The following CCNG1 variants were observed in gnomAD, a reference collection of about 807,000 sequenced individuals.
The protein encoded by CCNG1 is cyclin G1, also known as cyclin-G1.
Under a neutral mutation model 30.0 loss-of-function variants are expected in CCNG1, and 13 were observed. The observed-to-expected ratio is 0.43, with a 90% CI of 0.28 to 0.69. The LOEUF is 0.69. Among genes scored for constraint, CCNG1 ranks in the 30% least tolerant of loss-of-function variants. The pLI is 0.16. For synonymous variants in CCNG1, 110 were observed against 121.5 expected, an observed-to-expected ratio of 0.91 and a Z score of 0.62; for missense variants, 285 against 331.4, an observed-to-expected ratio of 0.86 and a Z score of 1.09.
At position 163,439,309 on chromosome 5, in the gene CCNG1, A is replaced by G. The variant is rs1405489844; in HGVS notation, c.53A>G (p.Asn18Ser). The G allele has an allele frequency of 3.1e-6, 5 of 1,613,890 alleles. No individual in the cohort carries two copies. The highest frequency in any genetic ancestry group is 4.2e-6 in the Non-Finnish European group (5 of 1,179,840). The change falls in exon 2 of 7, where the codon AAT becomes AGT. Residue 18 changes from asparagine (N) to serine (S), a missense_variant. Coordinates refer to ENST00000340828, the MANE Select transcript of CCNG1 (RefSeq NM_004060.4). ...TCTCAGAAACTGCTACACCAGCTGA[A>G]TGCCCTGTTGGAACAGGAGTCTAGA... ...TDSQKLLHQLNALLEQESRCQ... is the reference protein window; with the variant it reads ...TDSQKLLHQLSALLEQESRCQ...
At chr5:163,455,719 G>A in the CCNG1 span, among the ~76,000 whole-genome samples, 11 of 143,452 alleles carry the variant, frequency 7.7e-5, no homozygotes, top group African/African-American at 5.2e-5. Flanking sequence ...AGCAGAGATC[G>A]CACCACTCCA....
Position 163,439,245 on chromosome 5 carries a change from T to C in CCNG1, c.1-12T>C. 6.2e-7 allele frequency: 1 copy of C among 1,607,204 alleles called. No homozygotes were observed. On this transcript the variant is annotated splice_polypyrimidine_tract_variant and intron_variant, in intron 1 of 6. Transcript: ENST00000340828. ...TCTTACACTCCTTGCTGGTCTTTTT[T>C]TCTATATATAGATGATAGAGGTACT...
downstream of CCNG1, chr5:163,449,036 A>G (rs905429070): frequency 2.0e-5 from 3 of 152,186 alleles, no homozygotes; most frequent in African/African-American, 7.2e-5. Flanking sequence ...AAGATCCAGA[A>G]CAAGACTGAG....
the CCNG1 span, chr5:163,453,646 C>T: frequency 5.7e-6 from 1 of 175,346 alleles, no homozygotes. Flanking sequence ...CAAAGGCACC[C>T]TTCATTTCAC....
the CCNG1 span, chr5:163,457,173 C>T: frequency 1.6e-5 from 21 of 1,329,892 alleles, no homozygotes; most frequent in Middle Eastern, 2.6e-4. Context: ...TCACTCTCAC[C>T]CAGGCTGGAG....
chr5:163,442,670 T>C (rs1266039160), intron 6 of CCNG1, 102 bp downstream of exon 6: 1 of 927,358 alleles, frequency 1.1e-6, no homozygotes, highest in African/African-American at 1.7e-5. Flanking sequence ...CAAAATGGAG[T>C]TGGAATAGTA....
At chr5:163,457,195 G>C in the CCNG1 span, 1 of 1,103,600 alleles carries the variant, frequency 9.1e-7, no homozygotes, top group Non-Finnish European at 1.2e-6. Context: ...GCAGCGGCTT[G>C]ATCTCGGCTC....
chr5:163,450,584 A>C (rs1758154058), downstream of CCNG1: 1 of 152,226 alleles, frequency 6.6e-6, no homozygotes, highest in Non-Finnish European at 1.5e-5. Context: ...TCAACATAGT[A>C]TCAGAGAATA....
Position 163,442,542 on chromosome 5 carries a change from A to G in CCNG1, c.865A>G (p.Thr289Ala), listed in dbSNP as rs376144065. Reference protein sequence around the residue: ...HSYYRITHLPTIPEMVP With the variant: ...HSYYRITHLPAIPEMVP ...CTACTACAGAATAACTCACCTTCCA[A>G]CAATTCCTGAAATGGTCCCTTAACT... The change falls in exon 6 of 7, where the codon ACA becomes GCA. Residue 289 changes from threonine to alanine, a missense_variant. Transcript: ENST00000340828. The G allele has an allele frequency of 5.0e-6, 8 of 1,609,924 alleles. No individual in the cohort carries two copies. Among genetic ancestry groups the G allele is most frequent in the African/African-American group, 1.3e-5 (1 of 74,772 alleles).
intron 2 of CCNG1, among the ~76,000 whole-genome samples, chr5:163,439,787 C>T (rs1264399794): frequency 6.6e-6 from 1 of 152,000 alleles, no homozygotes; most frequent in South Asian, 2.1e-4. Flanking sequence ...TTTTAAAAAA[C>T]CCTTCTTGAT....
At chr5:163,454,220 A>G in the CCNG1 span, among the ~76,000 whole-genome samples, 20 of 152,304 alleles carry the variant, frequency 1.3e-4, no homozygotes, top group Middle Eastern at 6.8e-3. Flanking sequence ...GCATTTTTCA[A>G]CTCTCCCAGT....
chr5:163,455,104 G>A, the CCNG1 span, among the ~76,000 whole-genome samples: 1 of 151,478 alleles, frequency 6.6e-6, no homozygotes, highest in Non-Finnish European at 1.5e-5. Flanking sequence ...GCTGTAGTTT[G>A]CCAACCGCTG....
the CCNG1 span, chr5:163,453,021 A>G: frequency 2.0e-5 from 3 of 152,178 alleles, no homozygotes; most frequent in Non-Finnish European, 4.4e-5. Context: ...TGTCAACGTA[A>G]ATTTCCTGAT....
chr5:163,439,693 C>G, intron 2 of CCNG1, 173 bp downstream of exon 2: 1 of 580,696 alleles, frequency 1.7e-6, no homozygotes, highest in Non-Finnish European at 3.0e-6. Context: ...AGTAGTACAT[C>G]AGGTATTAGA....
chr5:163,439,523 A>C lies in CCNG1; in HGVS notation c.264+3A>C. 4 of 1,609,920 alleles carry C rather than the reference A, an allele frequency of 2.5e-6. No homozygotes were observed. In the African/African-American group the frequency reaches 4.0e-5, roughly 16 times the overall value. On this transcript the variant is annotated splice_donor_region_variant and intron_variant, in intron 2 of 6. Transcript: ENST00000340828. ...ACAGATTCCTGTCTAAAATGAAGGT[A>C]TGTTTGAAGCTACATTTTTGTAATT...
chr5:163,449,749 A>T (rs1758129015), downstream of CCNG1: 2 of 152,340 alleles, frequency 1.3e-5, no homozygotes, highest in South Asian at 4.1e-4. Flanking sequence ...AAAGTCCAAA[A>T]CCAGACTCAC....
the CCNG1 span, chr5:163,454,090 T>G: frequency 1.9e-6 from 2 of 1,070,930 alleles, no homozygotes; most frequent in Non-Finnish European, 2.6e-6. Context: ...ATAAAACTTA[T>G]AAGGAAAAAT....
chr5:163,449,682 G>C (rs1348071399), downstream of CCNG1: 1 of 152,170 alleles, frequency 6.6e-6, no homozygotes, highest in Non-Finnish European at 1.5e-5. Context: ...CTATAAAGCT[G>C]TGATAATCAA....
chr5:163,438,057 T>C (rs528154485), intron 1 of CCNG1, among the ~76,000 whole-genome samples: 2 of 151,738 alleles, frequency 1.3e-5, no homozygotes, highest in Non-Finnish European at 2.9e-5. Flanking sequence ...CAGTTAGAGG[T>C]TCCTCACATG....
Sources: gnomAD v4.1 joint callset for allele counts (sites outside exome capture counted in the v4.1 genomes callset) on GRCh38, gnomAD v4.1.1 for gene constraint, MANE v1.5 for transcripts, NCBI Gene and HGNC (gene_info 2026-07-23, HGNC 2026-07-21) for gene names.